Variants in TAX1BP1 observed in about 807,000 individuals in gnomAD.
The protein encoded by TAX1BP1 is Tax1 binding protein 1, also known as tax1-binding protein 1.
Under a neutral mutation model 97.7 loss-of-function variants are expected in TAX1BP1, and 62 were observed. That is an observed-to-expected ratio of 0.63 (90% CI 0.52 to 0.78). The LOEUF (loss-of-function observed/expected upper bound fraction) is 0.78, where lower values mean the gene tolerates loss of function less well. Among genes scored for constraint, TAX1BP1 ranks in the 30% least tolerant of loss-of-function variants. The probability of loss-of-function intolerance (pLI) is 0.00; values close to 1 mark genes in which losing one functional copy is unlikely to be tolerated. For missense variants in TAX1BP1, 867 were observed against 916.1 expected, an observed-to-expected ratio of 0.95 and a Z score of 0.69; for synonymous variants, 340 against 304.2, an observed-to-expected ratio of 1.12 and a Z score of -1.23.
chr7:27,763,416 G>A (rs998391938), intron 3 of TAX1BP1, among the ~76,000 whole-genome samples: 1 of 152,090 alleles, frequency 6.6e-6, no homozygotes, highest in African/African-American at 2.4e-5. Flanking sequence ...TATCTCAAAT[G>A]GTTTTGAACC....
At chr7:27,780,213 A>G (rs532711247) in intron 5 of TAX1BP1, among the ~76,000 whole-genome samples, 3 of 152,312 alleles carry the variant, frequency 2.0e-5, no homozygotes, top group East Asian at 1.9e-4. Context: ...TATTAGTACC[A>G]CTGTTAAGAA....
chr7:27,811,676 A>G (rs1346905860), intron 13 of TAX1BP1, among the ~76,000 whole-genome samples: 2 of 152,074 alleles, frequency 1.3e-5, no homozygotes, highest in Non-Finnish European at 2.9e-5. Flanking sequence ...TGGCAAATGC[A>G]TGTAGTTCTG....
At chr7:27,797,367 A>G (rs924134323) in intron 12 of TAX1BP1, among the ~76,000 whole-genome samples, 4 of 152,106 alleles carry the variant, frequency 2.6e-5, no homozygotes, top group African/African-American at 9.7e-5. Context: ...AGTATTCAGT[A>G]CTGGAATATT....
intron 3 of TAX1BP1, among the ~76,000 whole-genome samples, chr7:27,760,680 C>T (rs1035366734): frequency 4.6e-5 from 7 of 152,168 alleles, no homozygotes; most frequent in African/African-American, 9.7e-5. Context: ...AGGCATGAGC[C>T]GCCGCACCTG....
intron 7 of TAX1BP1, 74 bp from the exon 8 acceptor site, chr7:27,787,344 A>G: frequency 2.3e-6 from 3 of 1,302,226 alleles, no homozygotes; most frequent in Non-Finnish European, 1.0e-6. Flanking sequence ...TTAGAAATAT[A>G]ATGGTATTTT....
At chr7:27,773,090 C>T (rs1030296091) in intron 5 of TAX1BP1, among the ~76,000 whole-genome samples, 1 of 152,062 alleles carries the variant, frequency 6.6e-6, no homozygotes, top group Non-Finnish European at 1.5e-5. Context: ...TGTTAGCTAA[C>T]TTCGTCCTGT....
At chr7:27,755,412 A>G (rs1043360928) in intron 2 of TAX1BP1, among the ~76,000 whole-genome samples, 3 of 151,860 alleles carry the variant, frequency 2.0e-5, no homozygotes, top group Admixed American at 2.0e-4. Flanking sequence ...TTTCTTTCCA[A>G]GTGGTGTCTC....
chr7:27,773,247 A>G lies in TAX1BP1; in HGVS notation c.612+3413A>G, dbSNP rs1354883219. Among the ~76,000 whole-genome samples the G allele has an allele frequency of 5.3e-5, 8 of 152,070 alleles. 1 individual carries two copies. In the South Asian group the frequency reaches 1.2e-3, roughly 24 times the overall value. ...CACTGCTGTATACTTCTGAGGGCCA[A>G]AGATGTGAGCTGATCTAATTGATTA... is the stretch of plus-strand genomic sequence containing the variant. On this transcript the variant is annotated intron_variant, in intron 5 of 16. Coordinates refer to ENST00000396319, the MANE Select transcript of TAX1BP1 (RefSeq NM_006024.7).
chr7:27,812,761 G>C (rs1790607396), intron 13 of TAX1BP1, among the ~76,000 whole-genome samples: 2 of 151,994 alleles, frequency 1.3e-5, no homozygotes, highest in Admixed American at 1.3e-4. Flanking sequence ...TCTACATCTT[G>C]AGGTATTTTA....
chr7:27,829,498 G>A lies in TAX1BP1; in HGVS notation c.*669G>A, dbSNP rs1782621712. On this transcript the variant is annotated 3_prime_UTR_variant, in exon 17 of 17. Transcript: ENST00000396319. The stretch of plus-strand genomic sequence containing the variant: ...TGAAGTTGTATGTATATATCTAATG[G>A]GAAAATGGAACAAGAGATGTCAGTA... The A allele has an allele frequency of 6.6e-6, 1 of 151,948 alleles. No homozygotes were observed. Among genetic ancestry groups the A allele is most frequent in the African/African-American group, 2.4e-5 (1 of 41,364 alleles). 9.4% of individuals were successfully genotyped at this position (151,948 alleles called of 1,614,324 possible).
At chr7:27,739,873 G>C (rs1787496892), upstream of TAX1BP1, 1 of 152,330 alleles carries the variant, frequency 6.6e-6, no homozygotes, top group South Asian at 2.1e-4. Context: ...TCGCTGGTGA[G>C]TTACTTAAAC....
chr7:27,797,022 G>A (rs138526580), intron 12 of TAX1BP1, among the ~76,000 whole-genome samples: 1,583 of 150,396 alleles, frequency 0.011, 23 homozygotes, highest in African/African-American at 0.035. Context: ...TTTTGATACG[G>A]AGTCTCACTC....
intron 5 of TAX1BP1, among the ~76,000 whole-genome samples, chr7:27,778,762 T>C (rs1789131003): frequency 6.6e-6 from 1 of 151,720 alleles, no homozygotes; most frequent in Non-Finnish European, 1.5e-5. Flanking sequence ...CTCGGGAGGC[T>C]GAGGTAGGAG....
intron 8 of TAX1BP1, among the ~76,000 whole-genome samples, chr7:27,788,504 T>A (rs1046241918): frequency 1.3e-5 from 2 of 152,072 alleles, no homozygotes; most frequent in Non-Finnish European, 2.9e-5. Context: ...AAATGGTGAT[T>A]TAAAAAATTC....
intron 13 of TAX1BP1, among the ~76,000 whole-genome samples, chr7:27,805,338 TTATATA>T (rs772102585): frequency 2.0e-5 from 3 of 152,290 alleles, no homozygotes; most frequent in African/African-American, 7.2e-5. Flanking sequence ...ACTTATCTTG[TTATATA>T]TATATTTTTC....
chr7:27,749,255 G>A (rs1375762098), intron 2 of TAX1BP1, among the ~76,000 whole-genome samples: 2 of 152,160 alleles, frequency 1.3e-5, no homozygotes, highest in Non-Finnish European at 2.9e-5. Context: ...AAATGAAGGT[G>A]ATCATTACAG....
At chr7:27,779,056 G>A (rs1465864712) in intron 5 of TAX1BP1, among the ~76,000 whole-genome samples, 1 of 151,672 alleles carries the variant, frequency 6.6e-6, no homozygotes, top group South Asian at 2.1e-4. Context: ...CTCTATATTT[G>A]CCTTTTTTTT....
intron 13 of TAX1BP1, among the ~76,000 whole-genome samples, chr7:27,800,880 G>A (rs928310181): frequency 6.6e-6 from 1 of 152,008 alleles, no homozygotes; most frequent in African/African-American, 2.4e-5. Context: ...TGAGGCGGGC[G>A]GATCACGAGG....
intron 13 of TAX1BP1, among the ~76,000 whole-genome samples, chr7:27,801,268 G>C (rs1186600447): frequency 6.8e-6 from 1 of 147,686 alleles, no homozygotes; most frequent in African/African-American, 2.5e-5. Flanking sequence ...CTGAAGACCA[G>C]GAATTCTAAA....
Sources: gnomAD v4.1 joint callset for allele counts (sites outside exome capture counted in the v4.1 genomes callset) on GRCh38, gnomAD v4.1.1 for gene constraint, MANE v1.5 for transcripts, NCBI Gene and HGNC (gene_info 2026-07-23, HGNC 2026-07-21) for gene names.